COPS5: variants seen among roughly 807,000 people sequenced by gnomAD.
The protein encoded by COPS5 is COP9 signalosome complex subunit 5.
A neutral mutation model predicts 44.4 loss-of-function variants in COPS5; 8 were observed. That is an observed-to-expected ratio of 0.18 (90% CI 0.11 to 0.32). The LOEUF (loss-of-function observed/expected upper bound fraction) is 0.32. Among genes scored for constraint, COPS5 ranks in the 10% least tolerant of loss-of-function variants. The pLI is 1.00. For missense variants in COPS5, 159 were observed against 406.4 expected (o/e 0.39, Z 5.23); for synonymous variants, 122 against 142.8 (o/e 0.85, Z 1.04).
In COPS5 at chr8:67,061,910, G is replaced by A. The variant is rs2129538081; in HGVS notation, c.87C>T (p.Tyr29=). Residue 29 remains tyrosine, a synonymous_variant, in exon 1 of 8, where the codon TAC becomes TAT. Coordinates refer to ENST00000357849, the MANE Select transcript of COPS5 (RefSeq NM_006837.3). ...CTTGCTGCTGTTTCTTGTCGTATTTGTAGATTTCATCGATACTCTGAGCTT... is the reference window on the plus strand; with the variant it reads ...CTTGCTGCTGTTTCTTGTCGTATTTATAGATTTCATCGATACTCTGAGCTT... ...MQEAQSIDEI[Y]KYDKKQQQEI... is the part of the protein sequence containing the mutation. 1 of 1,614,220 alleles carries A rather than the reference G, an allele frequency of 6.2e-7. No homozygotes were observed. Among genetic ancestry groups the A allele is most frequent in the Non-Finnish European group, 8.5e-7 (1 of 1,180,052 alleles).
intron 3 of COPS5, 67 bp downstream of exon 3, chr8:67,058,016 T>C: frequency 2.6e-6 from 4 of 1,526,462 alleles, no homozygotes; most frequent in Non-Finnish European, 3.6e-6. Flanking sequence ...CTATTCTTAT[T>C]TCTCAGTATA....
intron 7 of COPS5, chr8:67,045,435 C>T (rs1211189676): frequency 2.5e-5 from 4 of 159,034 alleles, no homozygotes; most frequent in Non-Finnish European, 4.1e-5. Flanking sequence ...GCCTGGGTGA[C>T]AGAGCGAGAT....
At chr8:67,052,777 G>A (rs565193627) in intron 5 of COPS5, among the ~76,000 whole-genome samples, 210 of 145,708 alleles carry the variant, frequency 1.4e-3, no homozygotes, top group African/African-American at 5.1e-3. Context: ...CCGAGATCGC[G>A]CCACTGCACT....
At position 67,047,871 on chromosome 8, in the gene COPS5, A is replaced by C. The variant is rs149649369; in HGVS notation, c.772-1911T>G. Reference sequence around the variant, plus strand: ...TAATATACTTGCCTCTAAGGAAACAACACATATAAAACACTTAGCAGTTTC... The same window carrying C: ...TAATATACTTGCCTCTAAGGAAACACCACATATAAAACACTTAGCAGTTTC... On this transcript the variant is annotated intron_variant, in intron 6 of 7. Coordinates refer to ENST00000357849, the MANE Select transcript of COPS5 (RefSeq NM_006837.3). 447 of 702,592 alleles carry C rather than the reference A, an allele frequency of 6.4e-4. 2 individuals are homozygous for C. In the African/African-American group the frequency reaches 7.1e-3, roughly 11 times the overall value. 43.5% of individuals were successfully genotyped at this position (702,592 alleles called of 1,614,324 possible). A position where few individuals can be genotyped will look rare whatever the true frequency, so the allele number is the denominator to read the frequency against.
chr8:67,053,121 ACT>A (rs1563446055), intron 5 of COPS5, among the ~76,000 whole-genome samples: 1 of 151,782 alleles, frequency 6.6e-6, no homozygotes, highest in Non-Finnish European at 1.5e-5. Flanking sequence ...CCGCAATCTC[ACT>A]CTGTCACTTA....
intron 6 of COPS5, among the ~76,000 whole-genome samples, chr8:67,050,283 A>C (rs867048740): frequency 6.6e-6 from 1 of 151,468 alleles, no homozygotes; most frequent in East Asian, 1.9e-4. Context: ...TTACAGGCGT[A>C]AGCCACCGCG....
chr8:67,045,731 G>A (rs541051503), intron 7 of COPS5, 81 bp downstream of exon 7: 1 of 1,360,764 alleles, frequency 7.3e-7, no homozygotes, highest in Admixed American at 1.8e-5. Flanking sequence ...GAGCCATAAG[G>A]AATCTGAATA....
chr8:67,059,521 G>A (rs1804556035), intron 1 of COPS5, 76 bp from the exon 2 acceptor site: 1 of 1,067,932 alleles, frequency 9.4e-7, no homozygotes, highest in African/African-American at 1.6e-5. Flanking sequence ...TGAAGATAAA[G>A]AGTAAGTATT....
intron 6 of COPS5, chr8:67,047,739 C>T (rs1373639104): frequency 4.3e-6 from 3 of 699,194 alleles, no homozygotes; most frequent in Non-Finnish European, 7.8e-6. Flanking sequence ...CAGGGACAGA[C>T]ATTGGGCTGA....
chr8:67,061,880 G>C lies in COPS5; in HGVS notation c.117C>G (p.Ile39Met). 1 of 1,614,206 alleles carries C rather than the reference G, an allele frequency of 6.2e-7. No individual in the cohort carries two copies. The highest frequency in any genetic ancestry group is 8.5e-7 in the Non-Finnish European group (1 of 1,180,042). The change falls in exon 1 of 8, where the codon ATC (isoleucine) becomes ATG (methionine). Residue 39 changes from isoleucine to methionine, a missense_variant. By Grantham distance (10) the Ile-to-Met change is conservative. Around this residue, in one of 2 missense-constraint regions of COPS5, gnomAD observed 134 missense variants for 376.7 expected, o/e 0.36. Transcript: ENST00000357849. ...CCTTAGTCCAGGGCTTCGCCGCCAG[G>C]ATTTCTTGCTGCTGTTTCTTGTCGT... ...YKYDKKQQQE[I>M]LAAKPWTKDH...
intron 1 of COPS5, chr8:67,059,710 A>C: frequency 2.6e-6 from 1 of 382,152 alleles, no homozygotes; most frequent in Admixed American, 4.0e-5. Context: ...GAGTAACATG[A>C]CCAGTTCAAC....
chr8:67,058,726 C>T (rs542509336), intron 2 of COPS5, among the ~76,000 whole-genome samples: 12 of 151,944 alleles, frequency 7.9e-5, no homozygotes, highest in Non-Finnish European at 1.5e-4. Context: ...TGCCATAGAC[C>T]GGGTGCAGTG....
chr8:67,047,177 G>A (rs938067232), intron 6 of COPS5, among the ~76,000 whole-genome samples: 1 of 152,148 alleles, frequency 6.6e-6, no homozygotes, highest in Non-Finnish European at 1.5e-5. Flanking sequence ...GCAAAAAGTA[G>A]TATGTCGTTC....
chr8:67,054,127 G>A (rs1017739959), intron 5 of COPS5, among the ~76,000 whole-genome samples: 1 of 151,932 alleles, frequency 6.6e-6, no homozygotes, highest in Non-Finnish European at 1.5e-5. Context: ...AGAGTGGCAA[G>A]GTAAGGTGTT....
intron 5 of COPS5, among the ~76,000 whole-genome samples, chr8:67,053,383 C>T (rs967932541): frequency 2.0e-5 from 3 of 151,062 alleles, no homozygotes; most frequent in Admixed American, 6.6e-5. Flanking sequence ...TAAAGTTTAG[C>T]GTGAGGAAAT....
chr8:67,058,443 A>G (rs904018518), intron 2 of COPS5, among the ~76,000 whole-genome samples: 3 of 152,234 alleles, frequency 2.0e-5, no homozygotes, highest in Admixed American at 1.3e-4. Context: ...ACACAATAGC[A>G]TACCACATAA....
At chr8:67,048,310 TAATAAAATAAAATATAA>T (rs1816725324) in intron 6 of COPS5, among the ~76,000 whole-genome samples, 2 of 147,056 alleles carry the variant, frequency 1.4e-5, no homozygotes, top group Admixed American at 6.8e-5. Context: ...TAAAATAAAA[TAATAAAATAAAATATAA>T]AATAAAATAA....
At chr8:67,047,659 A>T (rs1816717739) in intron 6 of COPS5, 8 of 597,500 alleles carry the variant, frequency 1.3e-5, no homozygotes, top group Non-Finnish European at 2.4e-5. Flanking sequence ...TATACATAAA[A>T]CAACAAGGGA....
chr8:67,059,161 C>A, intron 2 of COPS5, 50 bp downstream of exon 2: 1 of 1,363,796 alleles, frequency 7.3e-7, no homozygotes, highest in East Asian at 2.3e-5. Flanking sequence ...CAAAAGTCAC[C>A]TTGAGACTCT....
Sources: allele counts gnomAD v4.1 joint callset (sites outside exome capture counted in the v4.1 genomes callset), GRCh38; gene constraint gnomAD v4.1.1; regional missense constraint gnomAD v4.1.1; transcripts MANE v1.5; gene names NCBI Gene and HGNC (gene_info 2026-07-23, HGNC 2026-07-21).